FAF1: variants seen among roughly 807,000 people sequenced by gnomAD.
FAF1 encodes FAS-associated factor 1.
A neutral mutation model predicts 92.5 loss-of-function variants in FAF1; 25 were observed. That is an observed-to-expected ratio of 0.27 (90% confidence interval 0.20 to 0.38). FAF1 has a LOEUF of 0.38. Ranked by LOEUF, FAF1 falls within the 10% of genes least tolerant of loss-of-function variation. The pLI is 1.00. For synonymous variants in FAF1, 234 were observed against 273.2 expected (o/e 0.86, Z 1.42); for missense variants, 636 against 793.3 (o/e 0.80, Z 2.38).
chr1:50,895,756 T>C (rs1195250573), intron 1 of FAF1, among the ~76,000 whole-genome samples: 1 of 152,118 alleles, frequency 6.6e-6, no homozygotes, highest in Non-Finnish European at 1.5e-5. Flanking sequence ...TCAATCTATG[T>C]GACACATCAT....
chr1:50,744,005 A>T (rs1033801794), intron 5 of FAF1, among the ~76,000 whole-genome samples: 6 of 152,178 alleles, frequency 3.9e-5, no homozygotes, highest in African/African-American at 1.2e-4. Context: ...CAGGAGGCAG[A>T]GTTTGCAGTG....
intron 1 of FAF1, among the ~76,000 whole-genome samples, chr1:50,899,475 A>T (rs886664092): frequency 1.3e-5 from 2 of 151,882 alleles, no homozygotes; most frequent in South Asian, 2.1e-4. Flanking sequence ...TCCTTTAAAT[A>T]TATATATTTT....
At position 50,897,980 on chromosome 1, in the gene FAF1, A is replaced by C. The variant is rs76363742; in HGVS notation, c.46-39983T>G. Among the ~76,000 whole-genome samples the C allele has an allele frequency of 3.0e-3, 461 of 152,286 alleles. 4 individuals are homozygous for C. The highest frequency in any genetic ancestry group is 0.01 in the African/African-American group (435 of 41,568). The stretch of plus-strand genomic sequence containing the variant: ...TATCTGAGCCCAATCTGTTCCATCC[A>C]ACCAGATCTGCAACTTGAAACAGTC... On this transcript the variant is annotated intron_variant, in intron 1 of 18. Transcript: ENST00000396153.
chr1:50,627,431 T>A (rs1416391633), intron 8 of FAF1, among the ~76,000 whole-genome samples: 1 of 152,248 alleles, frequency 6.6e-6, no homozygotes, highest in Admixed American at 6.5e-5. Context: ...ACTATCTAAA[T>A]GCCTGCCTCA....
intron 3 of FAF1, among the ~76,000 whole-genome samples, chr1:50,799,484 C>T (rs1329111704): frequency 2.0e-5 from 3 of 152,042 alleles, no homozygotes; most frequent in African/African-American, 7.2e-5. Flanking sequence ...CTATAAGGCA[C>T]ACACTGGCTC....
intron 4 of FAF1, 57 bp from the exon 5 acceptor site, chr1:50,744,832 T>A: frequency 1.9e-6 from 2 of 1,059,778 alleles, no homozygotes; most frequent in South Asian, 2.9e-5. Flanking sequence ...TTAACATTTG[T>A]CCATATCCAG....
chr1:50,648,112 A>G (rs1333224254), intron 8 of FAF1, among the ~76,000 whole-genome samples: 1 of 152,132 alleles, frequency 6.6e-6, no homozygotes, highest in African/African-American at 2.4e-5. Flanking sequence ...TACAAAAATT[A>G]GCTAGGCACA....
At chr1:50,639,706 C>T (rs930121440) in intron 8 of FAF1, among the ~76,000 whole-genome samples, 2 of 151,882 alleles carry the variant, frequency 1.3e-5, no homozygotes, top group African/African-American at 4.8e-5. Context: ...GAGGCCAAGG[C>T]GGGTGGATCA....
At chr1:50,712,612 C>T (rs1008087761) in intron 6 of FAF1, among the ~76,000 whole-genome samples, 4 of 152,052 alleles carry the variant, frequency 2.6e-5, no homozygotes, top group Non-Finnish European at 5.9e-5. Flanking sequence ...GCCGAAATCG[C>T]ACCACTGCAC....
chr1:50,881,749 A>C (rs1334377441), intron 1 of FAF1, among the ~76,000 whole-genome samples: 1 of 152,188 alleles, frequency 6.6e-6, no homozygotes, highest in Non-Finnish European at 1.5e-5. Context: ...GTGGTTTCTA[A>C]AACACTTGAA....
intron 12 of FAF1, among the ~76,000 whole-genome samples, chr1:50,574,748 T>C (rs1558000771): frequency 6.6e-6 from 1 of 152,086 alleles, no homozygotes; most frequent in Non-Finnish European, 1.5e-5. Context: ...GCATTCTTAC[T>C]GAAAATCATA....
At chr1:50,493,649 T>C (rs1646866040) in intron 15 of FAF1, among the ~76,000 whole-genome samples, 1 of 152,242 alleles carries the variant, frequency 6.6e-6, no homozygotes, top group Non-Finnish European at 1.5e-5. Flanking sequence ...GGCAGGGAAC[T>C]TGTCTATATT....
rs55637473 is a variant in FAF1 at position 50,906,469 on chromosome 1, C to T, written c.46-48472G>A. Reference sequence around the variant, plus strand: ...CATTGAATCTATAAATTATCTTGGGCAGTATGGCCATTTTCACAATGTTGA... The same window carrying T: ...CATTGAATCTATAAATTATCTTGGGTAGTATGGCCATTTTCACAATGTTGA... On this transcript the variant is annotated intron_variant, in intron 1 of 18. Coordinates refer to ENST00000396153, the MANE Select transcript of FAF1 (RefSeq NM_007051.3). 7.7e-3 allele frequency among the ~76,000 whole-genome samples: 1,170 copies of T among 152,236 alleles called. 12 individuals are homozygous for T. The highest frequency in any genetic ancestry group is 0.027 in the African/African-American group (1,130 of 41,522).
intron 1 of FAF1, among the ~76,000 whole-genome samples, chr1:50,937,188 TTAA>T (rs1323339004): frequency 3.9e-5 from 6 of 152,210 alleles, no homozygotes; most frequent in South Asian, 2.1e-4. Flanking sequence ...TAATTGTGCA[TTAA>T]TAATAATACA....
chr1:50,581,885 G>C (rs1292096867), intron 12 of FAF1, among the ~76,000 whole-genome samples: 1 of 152,184 alleles, frequency 6.6e-6, no homozygotes, highest in African/African-American at 2.4e-5. Context: ...TACATAGATA[G>C]GCAGGAGCCA....
intron 6 of FAF1, among the ~76,000 whole-genome samples, chr1:50,709,361 T>C (rs1356073982): frequency 3.3e-5 from 5 of 152,206 alleles, no homozygotes; most frequent in Non-Finnish European, 7.3e-5. Context: ...TTCTAGACTA[T>C]ATATGTTTTT....
intron 2 of FAF1, among the ~76,000 whole-genome samples, chr1:50,828,565 G>A (rs529106046): frequency 6.6e-6 from 1 of 152,048 alleles, no homozygotes; most frequent in African/African-American, 2.4e-5. Context: ...CACCGCGCCC[G>A]GCCAAGAAGG....
At chr1:50,520,595 C>T (rs1647448534) in intron 15 of FAF1, among the ~76,000 whole-genome samples, 1 of 152,118 alleles carries the variant, frequency 6.6e-6, no homozygotes, top group Non-Finnish European at 1.5e-5. Context: ...TCCTGTAATC[C>T]CAGCACTTTG....
chr1:50,513,478 G>A (rs555150500), intron 15 of FAF1, among the ~76,000 whole-genome samples: 2 of 152,166 alleles, frequency 1.3e-5, no homozygotes, highest in South Asian at 4.2e-4. Flanking sequence ...TGACCAGAGT[G>A]AGACTCTGTC....
Sources: gnomAD v4.1 joint callset for allele counts (sites outside exome capture counted in the v4.1 genomes callset) on GRCh38, gnomAD v4.1.1 for gene constraint, MANE v1.5 for transcripts, NCBI Gene and HGNC (gene_info 2026-07-23, HGNC 2026-07-21) for gene names.